The following ANKRD17 variants were observed in gnomAD, a reference collection of about 807,000 sequenced individuals.
ANKRD17 encodes ankyrin repeat domain 17.
ANKRD17 carries 19 observed loss-of-function variants against 229.7 expected under a neutral mutation model. The ratio of observed to expected loss-of-function variants is 0.08; its 90% CI spans 0.06 to 0.12. ANKRD17 has a LOEUF of 0.12. ANKRD17 is among the 10% of genes least tolerant of loss of function. The pLI is 1.00. For synonymous variants in ANKRD17, 1,112 were observed against 1,146.1 expected (o/e 0.97, Z 0.60); for missense variants, 2,176 against 3,176.8 (o/e 0.68, Z 7.57).
At chr4:73,157,685 T>A (rs1731845002) in intron 3 of ANKRD17, among the ~76,000 whole-genome samples, 1 of 152,148 alleles carries the variant, frequency 6.6e-6, no homozygotes, top group African/African-American at 2.4e-5. Flanking sequence ...GACCAACATC[T>A]TTGTCTCAGA....
intron 1 of ANKRD17, among the ~76,000 whole-genome samples, chr4:73,214,669 A>G (rs548969422): frequency 3.6e-4 from 55 of 151,976 alleles, no homozygotes; most frequent in Non-Finnish European, 6.9e-4. Flanking sequence ...AGAAAAACCC[A>G]GTTTCCTTCA....
intron 1 of ANKRD17, among the ~76,000 whole-genome samples, chr4:73,209,253 T>C (rs1430763316): frequency 6.6e-6 from 1 of 151,718 alleles, no homozygotes; most frequent in African/African-American, 2.4e-5. Flanking sequence ...TAGAAAATAA[T>C]CAGTGACACA....
chr4:73,209,638 A>G (rs1739991834), intron 1 of ANKRD17, among the ~76,000 whole-genome samples: 1 of 121,504 alleles, frequency 8.2e-6, no homozygotes, highest in African/African-American at 2.8e-5. Context: ...TCCCTTACGC[A>G]AAAAAGATCA....
intron 30 of ANKRD17, among the ~76,000 whole-genome samples, chr4:73,083,253 T>C (rs759140646): frequency 6.6e-6 from 1 of 152,196 alleles, no homozygotes; most frequent in Non-Finnish European, 1.5e-5. Context: ...AAAAAACGTT[T>C]TGGAATAATT....
rs535821027 is a variant in ANKRD17, at chr4:73,228,356, T to C, written c.393+29920A>G. On this transcript the variant is annotated intron_variant, in intron 1 of 33. Transcript: ENST00000358602. ...AAAATGACTGAGGAATCTAGATATA[T>C]GTCTAATGTAGCACAAAATAAAGAA... Among the ~76,000 whole-genome samples, 9 of 152,348 alleles carry C rather than the reference T, an allele frequency of 5.9e-5. 1 individual carries two copies. The South Asian group carries it at 1.9e-3, about 32-fold the overall frequency.
chr4:73,211,347 T>C (rs1477116600), intron 1 of ANKRD17, among the ~76,000 whole-genome samples: 1 of 151,944 alleles, frequency 6.6e-6, no homozygotes, highest in Non-Finnish European at 1.5e-5. Context: ...AGGCAAACGG[T>C]TGAGATTAAG....
intron 1 of ANKRD17, among the ~76,000 whole-genome samples, chr4:73,228,359 CTAATG>C (rs1742711693): frequency 6.6e-6 from 1 of 152,082 alleles, no homozygotes; most frequent in African/African-American, 2.4e-5. Flanking sequence ...AGATATATGT[CTAATG>C]TAGCACAAAA....
intron 2 of ANKRD17, 24 bp downstream of exon 2, chr4:73,177,356 C>A: frequency 6.7e-7 from 1 of 1,492,426 alleles, no homozygotes; most frequent in Middle Eastern, 1.8e-4. Context: ...ACAAGGTAGA[C>A]TTATTACTAT....
intron 1 of ANKRD17, among the ~76,000 whole-genome samples, chr4:73,198,897 T>C (rs1738258516): frequency 6.6e-6 from 1 of 152,138 alleles, no homozygotes; most frequent in African/African-American, 2.4e-5. Context: ...AGGTTAAATA[T>C]TCTGGGTAAG....
intron 6 of ANKRD17, among the ~76,000 whole-genome samples, chr4:73,153,192 T>C (rs1027745347): frequency 2.0e-5 from 3 of 152,130 alleles, no homozygotes; most frequent in Non-Finnish European, 4.4e-5. Context: ...AAAAGCTTTT[T>C]CTTGATGCCT....
At chr4:73,229,673 G>A (rs974794979) in intron 1 of ANKRD17, among the ~76,000 whole-genome samples, 1 of 150,154 alleles carries the variant, frequency 6.7e-6, no homozygotes, top group African/African-American at 2.4e-5. Context: ...TACAGGTGGA[G>A]AAGAGAGAAG....
At chr4:73,131,831 T>G (rs1041472068) in intron 16 of ANKRD17, among the ~76,000 whole-genome samples, 3 of 152,224 alleles carry the variant, frequency 2.0e-5, no homozygotes, top group African/African-American at 7.2e-5. Flanking sequence ...TGCAAGGCAT[T>G]AAGCCTGTAT....
At chr4:73,189,052 A>C (rs1167866348) in intron 1 of ANKRD17, among the ~76,000 whole-genome samples, 1 of 152,194 alleles carries the variant, frequency 6.6e-6, no homozygotes, top group African/African-American at 2.4e-5. Context: ...ACGGCACCTA[A>C]ACCCAAATGA....
chr4:73,170,599 C>T (rs1733857812), intron 2 of ANKRD17, among the ~76,000 whole-genome samples: 1 of 152,006 alleles, frequency 6.6e-6, no homozygotes, highest in South Asian at 2.1e-4. Context: ...AGGCTTGGCA[C>T]TTAGATGACA....
At chr4:73,148,764 T>G (rs1365108461) in intron 8 of ANKRD17, 49 bp downstream of exon 8, 1 of 1,514,700 alleles carries the variant, frequency 6.6e-7, no homozygotes, top group East Asian at 2.3e-5. Context: ...AAAATTATAC[T>G]CTTAGGTTTT....
rs1560584488 is a variant in ANKRD17 at position 73,141,836 on chromosome 4, C to T, written c.2237G>A (p.Arg746His). 2 of 1,613,566 alleles carry T rather than the reference C, an allele frequency of 1.2e-6. No homozygotes were observed. Among genetic ancestry groups the T allele is most frequent in the South Asian group, 1.1e-5 (1 of 91,018 alleles). ...CATGGGCAGTGCTTGAACTGGTACA[C>T]GAGGAGCCTAAGACAAAGGACACTA... is the stretch of plus-strand genomic sequence containing the variant. ...PPSHDLNRAP[R>H]VPVQALPMVV... The change falls in exon 14 of 34, where the codon CGT (arginine) becomes CAT (histidine). Residue 746 changes from arginine (R) to histidine (H), a missense_variant. Around this residue, in one of 18 missense-constraint regions of ANKRD17, gnomAD observed 275 missense variants for 386.9 expected, o/e 0.71. Transcript: ENST00000358602.
At chr4:73,156,982 T>G (rs1038933114) in intron 3 of ANKRD17, among the ~76,000 whole-genome samples, 3 of 152,312 alleles carry the variant, frequency 2.0e-5, no homozygotes, top group African/African-American at 7.2e-5. Context: ...TGGCACTGAA[T>G]TAAAATTATC....
intron 1 of ANKRD17, among the ~76,000 whole-genome samples, chr4:73,208,173 A>G (rs2149140351): frequency 7.7e-6 from 1 of 129,130 alleles, no homozygotes; most frequent in Non-Finnish European, 1.5e-5. Context: ...TGGGCGACAC[A>G]GCGAGACTCC....
intron 1 of ANKRD17, among the ~76,000 whole-genome samples, chr4:73,202,282 T>C (rs1738767862): frequency 8.9e-6 from 1 of 112,932 alleles, no homozygotes; most frequent in African/African-American, 3.5e-5. Flanking sequence ...CTGTCAAACC[T>C]AGCAGTATTT....
Sources: allele counts gnomAD v4.1 joint callset (sites outside exome capture counted in the v4.1 genomes callset), GRCh38; gene constraint gnomAD v4.1.1; regional missense constraint gnomAD v4.1.1; transcripts MANE v1.5; gene names NCBI Gene and HGNC (gene_info 2026-07-23, HGNC 2026-07-21).